Variants in PCSK6 observed in about 807,000 individuals in gnomAD.
PCSK6 encodes the protein proprotein convertase subtilisin/kexin type 6, also known as paired basic amino acid cleaving enzyme 4.
A neutral mutation model predicts 123.3 loss-of-function variants in PCSK6; 85 were observed. The observed-to-expected ratio is 0.69, with a 90% CI of 0.58 to 0.83. The LOEUF is 0.83. Ranked by LOEUF, PCSK6 falls within the 40% of genes least tolerant of loss-of-function variation. PCSK6 has a pLI of 0.00. For synonymous variants in PCSK6, 508 were observed against 516.0 expected (o/e 0.98, Z 0.21); for missense variants, 1,191 against 1,282.3 (o/e 0.93, Z 1.09).
chr15:101,356,815 A>G (rs1038727102), intron 13 of PCSK6, among the ~76,000 whole-genome samples: 1 of 152,208 alleles, frequency 6.6e-6, no homozygotes, highest in African/African-American at 2.4e-5. Flanking sequence ...CCATTCCTAA[A>G]TTGCCTCCTG....
chr15:101,458,642 G>A (rs1012730624), intron 1 of PCSK6, among the ~76,000 whole-genome samples: 5 of 152,058 alleles, frequency 3.3e-5, no homozygotes, highest in Non-Finnish European at 7.4e-5. Context: ...CGCGACTGAC[G>A]GTCCCAAAGG....
chr15:101,379,682 C>T (rs147982271), intron 11 of PCSK6, among the ~76,000 whole-genome samples: 40 of 152,258 alleles, frequency 2.6e-4, no homozygotes, highest in South Asian at 6.2e-4. Context: ...CAAACGTGCA[C>T]GGAGAGGGGG....
intron 2 of PCSK6, among the ~76,000 whole-genome samples, chr15:101,441,440 C>T (rs559241794): frequency 3.9e-5 from 6 of 152,214 alleles, no homozygotes; most frequent in African/African-American, 1.2e-4. Flanking sequence ...GAGAACTCAG[C>T]AACACAGAGA....
At chr15:101,453,481 G>A (rs1209914704) in intron 1 of PCSK6, among the ~76,000 whole-genome samples, 1 of 152,222 alleles carries the variant, frequency 6.6e-6, no homozygotes, top group African/African-American at 2.4e-5. Context: ...GGCCCAGCCT[G>A]GGACCCCATG....
intron 17 of PCSK6, among the ~76,000 whole-genome samples, chr15:101,323,548 T>C (rs897896501): frequency 3.3e-5 from 5 of 152,126 alleles, no homozygotes; most frequent in Non-Finnish European, 7.4e-5. Flanking sequence ...CTGACCAACA[T>C]GGTGAAACCC....
chr15:101,325,137 T>G, intron 16 of PCSK6, 91 bp from the exon 17 acceptor site: 1 of 869,228 alleles, frequency 1.2e-6, no homozygotes, highest in Non-Finnish European at 1.7e-6. Context: ...AAACGAAGGC[T>G]TCAGGAGTGA....
chr15:101,340,431 G>A (rs1055568907), intron 13 of PCSK6, among the ~76,000 whole-genome samples: 2 of 152,134 alleles, frequency 1.3e-5, no homozygotes, highest in African/African-American at 4.8e-5. Flanking sequence ...TTTTCTTAAT[G>A]GCATCTATAA....
chr15:101,320,599 C>A (rs1241466211), intron 18 of PCSK6, among the ~76,000 whole-genome samples: 1 of 152,178 alleles, frequency 6.6e-6, no homozygotes, highest in African/African-American at 2.4e-5. Context: ...ATGGCGGACA[C>A]CCACCCGGCG....
rs551195888 is a variant in PCSK6 at position 101,380,296 on chromosome 15, G to T, written c.1532+1796C>A. ...CTCTGCCATCTTAAAACGATTTCTG[G>T]CAGGAGAAGAATGCTTCATTCAGGA... On this transcript the variant is annotated intron_variant, in intron 11 of 21. Coordinates refer to ENST00000611716, the MANE Select transcript of PCSK6 (RefSeq NM_002570.5). 2.6e-5 allele frequency among the ~76,000 whole-genome samples: 4 copies of T among 152,312 alleles called. No homozygotes were observed. The South Asian group carries it at 8.3e-4, about 32-fold the overall frequency.
At chr15:101,377,643 A>G (rs1231057936) in intron 11 of PCSK6, among the ~76,000 whole-genome samples, 4 of 152,232 alleles carry the variant, frequency 2.6e-5, no homozygotes, top group Non-Finnish European at 4.4e-5. Flanking sequence ...TCATAAATAG[A>G]GTTGTTTTAA....
chr15:101,438,916 G>A (rs989195392), intron 2 of PCSK6, among the ~76,000 whole-genome samples: 6 of 152,244 alleles, frequency 3.9e-5, no homozygotes, highest in Admixed American at 1.3e-4. Context: ...GCAACAGCAG[G>A]GGAAGGTGGG....
intron 15 of PCSK6, among the ~76,000 whole-genome samples, chr15:101,330,347 A>G (rs1207317073): frequency 2.6e-5 from 4 of 152,212 alleles, no homozygotes; most frequent in Admixed American, 6.5e-5. Context: ...TCTTGCCCAA[A>G]GAGTCCAGGT....
chr15:101,378,693 C>T (rs143636272), intron 11 of PCSK6, among the ~76,000 whole-genome samples: 1,627 of 152,312 alleles, frequency 0.011, 37 homozygotes, highest in African/African-American at 0.037. Context: ...TCCCCTCTTC[C>T]CTGATGTTCT....
intron 1 of PCSK6, among the ~76,000 whole-genome samples, chr15:101,473,843 C>G (rs561759892): frequency 8.5e-5 from 13 of 152,140 alleles, no homozygotes; most frequent in Admixed American, 6.5e-4. Context: ...CCATTGCACT[C>G]CACCCTGAGT....
chr15:101,429,544 T>C (rs2643353), intron 5 of PCSK6, among the ~76,000 whole-genome samples: 27,376 of 152,100 alleles, frequency 0.18, 2,706 homozygotes, highest in African/African-American at 0.24. Flanking sequence ...GATCTGAACC[T>C]GGGTCTATCC....
Position 101,489,597 on chromosome 15 carries a change from G to T in PCSK6, c.74C>A (p.Ala25Glu), listed in dbSNP as rs1176457199. The T allele has an allele frequency of 3.0e-5, 29 of 961,570 alleles. No homozygotes were observed. Among genetic ancestry groups the T allele is most frequent in the Non-Finnish European group, 3.6e-5 (29 of 816,708 alleles). 59.6% of individuals were successfully genotyped at this position (961,570 alleles called of 1,614,324 possible). A position where few individuals can be genotyped will look rare whatever the true frequency, so the allele number is the denominator to read the frequency against. Reference protein sequence around the residue: ...PRAAAATDTAAGAGGAGGAGG... With the variant: ...PRAAAATDTAEGAGGAGGAGG... ...CGCGCCCCCCGCGCCCCCCGCGCCCGCGGCGGTGTCGGTGGCGGCGGCGGC... is the reference window on the plus strand; with the variant it reads ...CGCGCCCCCCGCGCCCCCCGCGCCCTCGGCGGTGTCGGTGGCGGCGGCGGC... The change falls in exon 1 of 22, where the codon GCG becomes GAG. Residue 25 changes from alanine to glutamate, a missense_variant. Ala to Glu is a moderately radical substitution (Grantham distance 107). Around this residue, in one of 3 missense-constraint regions of PCSK6, gnomAD observed 204 missense variants for 166.4 expected, o/e 1.23. Coordinates refer to ENST00000611716, the MANE Select transcript of PCSK6 (RefSeq NM_002570.5).
chr15:101,318,364 G>C lies in PCSK6; in HGVS notation c.2524C>G (p.Leu842Val), dbSNP rs1265375907. The C allele has an allele frequency of 1.3e-6, 2 of 1,566,452 alleles. No homozygotes were observed. Among genetic ancestry groups the C allele is most frequent in the African/African-American group, 2.7e-5 (2 of 73,644 alleles). The change falls in exon 19 of 22, where the codon CTG becomes GTG. Residue 842 changes from leucine (L) to valine (V), a missense_variant. Physicochemically the swap from Leu to Val is conservative, Grantham distance 32. Around this residue, in one of 3 missense-constraint regions of PCSK6, gnomAD observed 630 missense variants for 631.4 expected, o/e 1.00. Coordinates refer to ENST00000611716, the MANE Select transcript of PCSK6 (RefSeq NM_002570.5). Reference sequence around the variant, plus strand: ...TGATGGCATTCCCCACATCTGATCAGCTCTGAGTCAAAGTAGGTGCCTGGC... The same window carrying C: ...TGATGGCATTCCCCACATCTGATCACCTCTGAGTCAAAGTAGGTGCCTGGC... ...CEPGTYFDSE[L>V]IRCGECHHTC...
rs528262315 is a variant in PCSK6, at chr15:101,383,203, T to A, written c.1415-994A>T. Among the ~76,000 whole-genome samples the A allele has an allele frequency of 3.9e-5, 6 of 152,024 alleles. No individual in the cohort carries two copies. The East Asian group carries it at 1.2e-3, about 29-fold the overall frequency. On this transcript the variant is annotated intron_variant, in intron 10 of 21. Coordinates refer to ENST00000611716, the MANE Select transcript of PCSK6 (RefSeq NM_002570.5). Reference sequence around the variant, plus strand: ...GCAGGTGGATCACAAGGTCAGGAGTTCGAGACCAGCCTGGGCAACACGGTG... The same window carrying A: ...GCAGGTGGATCACAAGGTCAGGAGTACGAGACCAGCCTGGGCAACACGGTG...
chr15:101,344,001 G>A (rs1407284019), intron 13 of PCSK6, among the ~76,000 whole-genome samples: 1 of 152,092 alleles, frequency 6.6e-6, no homozygotes, highest in Non-Finnish European at 1.5e-5. Flanking sequence ...ACTTGTATGT[G>A]GGAGGCGGAG....
Sources: allele counts gnomAD v4.1 joint callset (sites outside exome capture counted in the v4.1 genomes callset), GRCh38; gene constraint gnomAD v4.1.1; regional missense constraint gnomAD v4.1.1; transcripts MANE v1.5; gene names NCBI Gene and HGNC (gene_info 2026-07-23, HGNC 2026-07-21).